TET3: variants seen among roughly 807,000 people sequenced by gnomAD.
TET3 encodes tet methylcytosine dioxygenase 3, also known as methylcytosine dioxygenase TET3.
TET3 carries 19 observed loss-of-function variants against 141.4 expected under a neutral mutation model. The observed-to-expected ratio is 0.13, with a 90% confidence interval of 0.09 to 0.20. The LOEUF (loss-of-function observed/expected upper bound fraction) is 0.20, where lower values mean the gene tolerates loss of function less well. Ranked by LOEUF, TET3 falls within the 10% of genes least tolerant of loss-of-function variation. The pLI is 1.00. For synonymous variants in TET3, 1,043 were observed against 980.9 expected (o/e 1.06, Z -1.18); for missense variants, 1,874 against 2,356.9 (o/e 0.80, Z 4.24).
At chr2:74,061,423 C>T (rs1249265554) in intron 4 of TET3, among the ~76,000 whole-genome samples, 17 of 144,440 alleles carry the variant, frequency 1.2e-4, no homozygotes, top group African/African-American at 3.4e-4. Context: ...GGGGGGCTGA[C>T]CCCCCCACCT....
chr2:74,062,583 C>G (rs1688653898), intron 4 of TET3, among the ~76,000 whole-genome samples: 1 of 152,092 alleles, frequency 6.6e-6, no homozygotes, highest in South Asian at 2.1e-4. Flanking sequence ...TTTAGAAGTA[C>G]CGTTAGCATT....
At chr2:74,134,681 A>G in the TET3 span, 2 of 456,536 alleles carry the variant, frequency 4.4e-6, no homozygotes, top group Non-Finnish European at 8.8e-6. Flanking sequence ...GGGCAGTCAC[A>G]AGATGTCTGA....
chr2:74,112,777 T>G (rs1348198625), downstream of TET3, among the ~76,000 whole-genome samples: 1 of 149,684 alleles, frequency 6.7e-6, no homozygotes, highest in East Asian at 2.0e-4. Flanking sequence ...CTGAGGTGGA[T>G]GGATCATGAG....
At chr2:74,050,675 G>A (rs910867949) in intron 4 of TET3, among the ~76,000 whole-genome samples, 9 of 151,818 alleles carry the variant, frequency 5.9e-5, no homozygotes, top group South Asian at 2.1e-4. Context: ...TCAGTCTCCC[G>A]AGTAGCTGGA....
At chr2:74,119,826 A>T in the TET3 span, among the ~76,000 whole-genome samples, 25 of 151,934 alleles carry the variant, frequency 1.6e-4, no homozygotes, top group African/African-American at 4.8e-4. Context: ...AAGCATCTTT[A>T]CTTCTCTCTC....
intron 3 of TET3, among the ~76,000 whole-genome samples, chr2:74,042,689 T>C (rs1573767761): frequency 1.3e-5 from 2 of 152,208 alleles, no homozygotes; most frequent in East Asian, 3.8e-4. Context: ...TGACTCCTTG[T>C]GGTTCTTACC....
At chr2:74,078,563 A>G (rs1225906983) in intron 5 of TET3, among the ~76,000 whole-genome samples, 1 of 152,178 alleles carries the variant, frequency 6.6e-6, no homozygotes, top group African/African-American at 2.4e-5. Flanking sequence ...AACCAGTCTC[A>G]TGTTAGACAT....
intron 4 of TET3, among the ~76,000 whole-genome samples, chr2:74,057,403 G>C (rs574096906): frequency 3.3e-5 from 5 of 152,184 alleles, no homozygotes; most frequent in Non-Finnish European, 7.3e-5. Context: ...GCCAGCCCCA[G>C]TTCTCCTATC....
intron 4 of TET3, among the ~76,000 whole-genome samples, chr2:74,061,748 G>A (rs1352571124): frequency 6.8e-6 from 1 of 146,886 alleles, no homozygotes; most frequent in African/African-American, 2.6e-5. Flanking sequence ...AGACGGGGCG[G>A]CCGGGCAGAG....
In TET3 at chr2:74,101,964, G is replaced by A. The variant is rs1012243159; in HGVS notation, c.5176G>A (p.Glu1726Lys). The change falls in exon 12 of 12, where the codon GAG (glutamate) becomes AAG (lysine). Residue 1726 changes from glutamate (E) to lysine (K), a missense_variant. Coordinates refer to ENST00000409262, the MANE Select transcript of TET3 (RefSeq NM_001287491.2). This position sits in a 1 kb window ranked among gnomAD's most constrained non-coding sequence, Gnocchi z 8.5. Reference protein sequence around the residue: ...LAERARARQEEAARLGLGQQE... With the variant: ...LAERARARQEKAARLGLGQQE... ...GGAGAGGGCACGGGCACGGCAGGAGGAGGCTGCCCGGCTGGGCCTGGGCCA... is the reference window on the plus strand; with the variant it reads ...GGAGAGGGCACGGGCACGGCAGGAGAAGGCTGCCCGGCTGGGCCTGGGCCA... The A allele has an allele frequency of 1.2e-6, 2 of 1,608,910 alleles. No homozygotes were observed. Among genetic ancestry groups the A allele is most frequent in the Admixed American group, 1.7e-5 (1 of 59,838 alleles).
At chr2:73,999,374 T>C (rs1256071031) in intron 2 of TET3, among the ~76,000 whole-genome samples, 1 of 152,184 alleles carries the variant, frequency 6.6e-6, no homozygotes, top group Non-Finnish European at 1.5e-5. Flanking sequence ...TTGGTTTGTT[T>C]AGAGAGTTAA....
At chr2:74,007,188 A>G (rs1160973882) in intron 3 of TET3, among the ~76,000 whole-genome samples, 1 of 152,216 alleles carries the variant, frequency 6.6e-6, no homozygotes, top group Non-Finnish European at 1.5e-5. Context: ...TGTTTTGTAT[A>G]TTGAATGCTT....
At chr2:74,134,963 A>G in the TET3 span, 283,284 of 292,614 alleles carry the variant, frequency 0.97, 137,270 homozygotes, top group African/African-American at 0.99. Flanking sequence ...AGTCTGGAAT[A>G]TCTGCCTGTG....
chr2:74,133,957 C>G, the TET3 span, among the ~76,000 whole-genome samples: 9 of 152,154 alleles, frequency 5.9e-5, no homozygotes, highest in Non-Finnish European at 1.0e-4. Context: ...GTTGGTCAGG[C>G]TGGTCTCAAA....
chr2:74,100,281 A>G, intron 11 of TET3, 112 bp from the exon 12 acceptor site: 1 of 1,204,074 alleles, frequency 8.3e-7, no homozygotes, highest in Non-Finnish European at 1.2e-6. Context: ...CTGTCCCAAA[A>G]GAGGAAACAT....
chr2:74,006,435 C>T (rs1685152421), intron 3 of TET3, among the ~76,000 whole-genome samples: 1 of 152,226 alleles, frequency 6.6e-6, no homozygotes, highest in African/African-American at 2.4e-5. Flanking sequence ...GAGAGCCTTG[C>T]AAGACATACA....
At chr2:74,112,680 A>T (rs1691731280), downstream of TET3, among the ~76,000 whole-genome samples, 1 of 152,210 alleles carries the variant, frequency 6.6e-6, no homozygotes, top group Admixed American at 6.5e-5. Flanking sequence ...TTAGACAGTG[A>T]CTACAATCTA....
At position 74,059,922 on chromosome 2, in the gene TET3, T is replaced by C. The variant is rs79360684; in HGVS notation, c.2494+11511T>C. 1.1e-3 allele frequency among the ~76,000 whole-genome samples: 163 copies of C among 152,320 alleles called. 5 individuals are homozygous for C. In the East Asian group the frequency reaches 0.031, roughly 29 times the overall value. On this transcript the variant is annotated intron_variant, in intron 4 of 11. Coordinates refer to ENST00000409262, the MANE Select transcript of TET3 (RefSeq NM_001287491.2). The stretch of plus-strand genomic sequence containing the variant: ...TTTGAATACACCACAGTGTATCCAG[T>C]AGGTCACTGATGGTCTTTTGGGTTG...
chr2:73,990,178 GAGACC>G (rs1684250491), intron 2 of TET3, among the ~76,000 whole-genome samples: 1 of 150,200 alleles, frequency 6.7e-6, no homozygotes, highest in Admixed American at 6.7e-5. Flanking sequence ...ATGATCACTT[GAGACC>G]AGGCTGGGCA....
Sources: allele counts gnomAD v4.1 joint callset (sites outside exome capture counted in the v4.1 genomes callset), GRCh38; gene constraint gnomAD v4.1.1; non-coding constraint Gnocchi (gnomAD v3.1); transcripts MANE v1.5; gene names NCBI Gene and HGNC (gene_info 2026-07-23, HGNC 2026-07-21).